CCDC127: variants seen among roughly 807,000 people sequenced by gnomAD.
The protein encoded by CCDC127 is coiled-coil domain containing 127.
A neutral mutation model predicts 4.1 loss-of-function variants in CCDC127; 2 were observed. The ratio of observed to expected loss-of-function variants is 0.49; its 90% confidence interval spans 0.20 to 1.53. The LOEUF (loss-of-function observed/expected upper bound fraction) is 1.53. Ranked by LOEUF, CCDC127 falls within the 40% of genes most tolerant of loss-of-function variation. The probability of loss-of-function intolerance (pLI) is 0.23; values close to 1 mark genes in which losing one functional copy is unlikely to be tolerated. For missense variants in CCDC127, 271 were observed against 322.9 expected (o/e 0.84, Z 1.23); for synonymous variants, 98 against 120.4 (o/e 0.81, Z 1.22).
rs1384195084 is a variant in CCDC127 at position 218,145 on chromosome 5, G to A, written c.-63C>T. ...GTTCCCTTAACGCCACCGTCCGCGGGTCCGCTTTGCGCAGGCGCGGCGCCC... is the reference window on the plus strand; with the variant it reads ...GTTCCCTTAACGCCACCGTCCGCGGATCCGCTTTGCGCAGGCGCGGCGCCC... On this transcript the variant is annotated 5_prime_UTR_variant, in exon 1 of 3. Coordinates refer to ENST00000296824, the MANE Select transcript of CCDC127 (RefSeq NM_145265.3). 6.4e-6 allele frequency: 8 copies of A among 1,240,592 alleles called. No homozygotes were observed. The East Asian group carries it at 1.3e-4, about 20-fold the overall frequency. The allele number at this position is 1,240,592 out of a possible 1,614,324, so 76.8% of individuals were successfully genotyped here. A position where few individuals can be genotyped will look rare whatever the true frequency, so the allele number is the denominator to read the frequency against.
chr5:213,186 T>C (rs1183980568), intron 2 of CCDC127, among the ~76,000 whole-genome samples: 5 of 62,344 alleles, frequency 8.0e-5, no homozygotes, highest in African/African-American at 1.1e-4. Flanking sequence ...CGACATCGAA[T>C]ACTGCAGCCA....
Position 205,433 on chromosome 5 carries a change from T to C in CCDC127, c.647A>G (p.Asp216Gly), listed in dbSNP as rs1734151757. 6.2e-6 allele frequency: 10 copies of C among 1,614,232 alleles called. No homozygotes were observed. Among genetic ancestry groups the C allele is most frequent in the African/African-American group, 1.3e-5 (1 of 75,064 alleles). ...GTTCCAGACATCACCACAGTATGTA[T>C]CATGCTGAAATATGTCGGTGAGACC... is the stretch of plus-strand genomic sequence containing the variant. ...AAGLTDIFQH[D>G]TYCGDVWNTN... Residue 216 changes from aspartate to glycine, a missense_variant, in exon 3 of 3, where the codon GAT becomes GGT. Transcript: ENST00000296824.
rs1031558615 is a variant in CCDC127, at chr5:206,099, C to T, written c.122-141G>A. The T allele has an allele frequency of 7.8e-5, 60 of 769,906 alleles. No homozygotes were observed. The African/African-American group carries it at 8.4e-4, about 11-fold the overall frequency. The allele number at this position is 769,906 out of a possible 1,614,324, so 47.7% of individuals were successfully genotyped here. ...GGCTGTACCAAGAAGATCACTTCTA[C>T]GTGAAAATGTGTAACAGGCCAAGTT... On this transcript the variant is annotated intron_variant, in intron 2 of 2. Coordinates refer to ENST00000296824, the MANE Select transcript of CCDC127 (RefSeq NM_145265.3).
At chr5:214,229 G>A (rs1286006692) in intron 2 of CCDC127, 1 of 152,176 alleles carries the variant, frequency 6.6e-6, no homozygotes, top group Non-Finnish European at 1.5e-5. Flanking sequence ...CAGGGATTGG[G>A]GTATCTTGAC....
At chr5:209,886 A>G (rs888936938) in intron 2 of CCDC127, among the ~76,000 whole-genome samples, 1 of 120,940 alleles carries the variant, frequency 8.3e-6, no homozygotes, top group Non-Finnish European at 1.9e-5. Flanking sequence ...AATTGAAACC[A>G]AAAAAAAACG....
intron 2 of CCDC127, among the ~76,000 whole-genome samples, chr5:208,095 C>T (rs1360957570): frequency 1.3e-5 from 2 of 152,162 alleles, no homozygotes; most frequent in Non-Finnish European, 2.9e-5. Context: ...AGACTTTGGG[C>T]ACACGCAACT....
In CCDC127 at chr5:218,120, G is replaced by C. The variant is rs1168018146; in HGVS notation, c.-38C>G. On this transcript the variant is annotated 5_prime_UTR_variant, in exon 1 of 3. Transcript: ENST00000296824. ...CGGTCGGGGAGCGCGGGACCTCAGC[G>C]TTCCCTTAACGCCACCGTCCGCGGG... 30 of 1,225,080 alleles carry C rather than the reference G, an allele frequency of 2.4e-5. No homozygotes were observed. The highest frequency in any genetic ancestry group is 8.8e-5 in the Admixed American group (2 of 22,668). The allele number at this position is 1,225,080 out of a possible 1,614,324, so 75.9% of individuals were successfully genotyped here. A position where few individuals can be genotyped will look rare whatever the true frequency, so the allele number is the denominator to read the frequency against.
intron 1 of CCDC127, chr5:217,402 GATTAGCA>G (rs959947507): frequency 6.5e-6 from 1 of 153,928 alleles, no homozygotes; most frequent in African/African-American, 2.4e-5. Context: ...TTTTGGATGA[GATTAGCA>G]ATTGAACCTT....
At position 218,096 on chromosome 5, in the gene CCDC127, G is replaced by C; in HGVS notation, c.-14C>G. ...CCCGGAACAGGGCCCGCTCTACCTC[G>C]GTCGGGGAGCGCGGGACCTCAGCGT... is the stretch of plus-strand genomic sequence containing the variant. On this transcript the variant is annotated 5_prime_UTR_variant, in exon 1 of 3. Coordinates refer to ENST00000296824, the MANE Select transcript of CCDC127 (RefSeq NM_145265.3). The C allele has an allele frequency of 8.3e-7, 1 of 1,198,850 alleles. No individual in the cohort carries two copies. The highest frequency in any genetic ancestry group is 4.6e-5 in the Admixed American group (1 of 21,956). The allele number at this position is 1,198,850 out of a possible 1,614,324, so 74.3% of individuals were successfully genotyped here. A position where few individuals can be genotyped will look rare whatever the true frequency, so the allele number is the denominator to read the frequency against.
Position 216,732 on chromosome 5 carries a change from A to G in CCDC127, c.118T>C (p.Phe40Leu). The G allele has an allele frequency of 6.2e-7, 1 of 1,613,648 alleles. No homozygotes were observed. The highest frequency in any genetic ancestry group is 8.5e-7 in the Non-Finnish European group (1 of 1,179,774). Residue 40 changes from phenylalanine to leucine, a missense_variant, in exon 2 of 3, where the codon TTT becomes CTT. By Grantham distance (22) the Phe-to-Leu change is conservative (BLOSUM62 0). This residue lies in a region of CCDC127 where 6 missense variants were observed against 52.1 expected (regional missense o/e 0.12). Transcript: ENST00000296824. The part of the protein sequence containing the change: ...LLVPMLGLAA[F>L]RWIWSRESQK... ...TTTTAAGAAAACCATGACTTACGAA[A>G]AGCAGCCAATCCCAGCATTGGAACC...
chr5:205,496 G>A lies in CCDC127; in HGVS notation c.584C>T (p.Ser195Phe), dbSNP rs749964681. Residue 195 changes from serine to phenylalanine, a missense_variant, in exon 3 of 3, where the codon TCC becomes TTC. Physicochemically the swap from Ser to Phe is radical, Grantham distance 155 (BLOSUM62 -2). Transcript: ENST00000296824. Reference sequence around the variant, plus strand: ...TAGGTCAGCGGCGACGGGGTCGACGGACGCTCGCACCAGTAAGCTCTTCTC... The same window carrying A: ...TAGGTCAGCGGCGACGGGGTCGACGAACGCTCGCACCAGTAAGCTCTTCTC... The part of the protein sequence containing the change: ...EIEKSLLVRA[S>F]VDPVAADLEM... 2 of 1,613,978 alleles carry A rather than the reference G, an allele frequency of 1.2e-6. No individual in the cohort carries two copies. The highest frequency in any genetic ancestry group is 3.3e-5 in the Admixed American group (2 of 60,032).
chr5:208,371 G>C (rs1300451042), intron 2 of CCDC127, among the ~76,000 whole-genome samples: 2 of 152,152 alleles, frequency 1.3e-5, no homozygotes, highest in Non-Finnish European at 2.9e-5. Flanking sequence ...AACGGGTGCA[G>C]ACAAAAAAAG....
Position 205,933 on chromosome 5 carries a change from C to T in CCDC127, c.147G>A (p.Gln49=). Residue 49 remains glutamine (Q), a synonymous_variant, in exon 3 of 3, where the codon CAG becomes CAA. Transcript: ENST00000296824. ...AFRWIWSRES[Q]KEVEKEREAY... is the part of the protein sequence containing the mutation. ...CTTCTCTCTCTTTTTCTACTTCTTT[C>T]TGGGACTCCCTAGACCAAATCCAAC... 6.2e-7 allele frequency: 1 copy of T among 1,613,266 alleles called. No individual in the cohort carries two copies. The highest frequency in any genetic ancestry group is 8.5e-7 in the Non-Finnish European group (1 of 1,179,526).
At chr5:213,895 A>T (rs1023016203) in intron 2 of CCDC127, 5 of 152,232 alleles carry the variant, frequency 3.3e-5, no homozygotes, top group African/African-American at 1.2e-4. Context: ...CCTACACAAG[A>T]ATGTTTATAA....
rs946216525 is a variant in CCDC127 at position 199,109 on chromosome 5, T to G, written c.*6188A>C. 1.3e-5 allele frequency: 2 copies of G among 152,456 alleles called. No homozygotes were observed. The highest frequency in any genetic ancestry group is 2.9e-5 in the Non-Finnish European group (2 of 68,190). 9.4% of individuals were successfully genotyped at this position (152,456 alleles called of 1,614,324 possible). A position where few individuals can be genotyped will look rare whatever the true frequency, so the allele number is the denominator to read the frequency against. On this transcript the variant is annotated 3_prime_UTR_variant, in exon 3 of 3. Transcript: ENST00000296824. ...CTCCCTTGGGTCTTCCACAGCAGCA[T>G]GGGCTGGTGCAGCTCCTTCAGAACA...
intron 1 of CCDC127, among the ~76,000 whole-genome samples, chr5:217,431 C>T (rs1358676744): frequency 6.6e-6 from 1 of 152,200 alleles, no homozygotes; most frequent in African/African-American, 2.4e-5. Context: ...AAACCAATTC[C>T]TCACGTCTCC....
At position 199,711 on chromosome 5, in the gene CCDC127, C is replaced by T. The variant is rs1436987263; in HGVS notation, c.*5586G>A. On this transcript the variant is annotated 3_prime_UTR_variant, in exon 3 of 3. Transcript: ENST00000296824. ...ACCTCCCGAGGAGGCCCCAGCACCCCACTCCCTGCCTGTCAGCCACCAACC... is the reference window on the plus strand; with the variant it reads ...ACCTCCCGAGGAGGCCCCAGCACCCTACTCCCTGCCTGTCAGCCACCAACC... 1 of 152,476 alleles carries T rather than the reference C, an allele frequency of 6.6e-6. No individual in the cohort carries two copies. The highest frequency in any genetic ancestry group is 1.5e-5 in the Non-Finnish European group (1 of 68,268). The allele number at this position is 152,476 out of a possible 1,614,324, so 9.4% of individuals were successfully genotyped here.
chr5:207,270 TCAA>T (rs1241115370), intron 2 of CCDC127, among the ~76,000 whole-genome samples: 1 of 152,162 alleles, frequency 6.6e-6, no homozygotes, highest in East Asian at 1.9e-4. Context: ...TCATCCTTCC[TCAA>T]CCAAAAATAG....
Position 205,186 on chromosome 5 carries a change from G to C in CCDC127, c.*111C>G. 1.0e-6 allele frequency: 1 copy of C among 992,228 alleles called. No individual in the cohort carries two copies. The highest frequency in any genetic ancestry group is 1.5e-6 in the Non-Finnish European group (1 of 666,674). The allele number at this position is 992,228 out of a possible 1,614,324, so 61.5% of individuals were successfully genotyped here. A position where few individuals can be genotyped will look rare whatever the true frequency, so the allele number is the denominator to read the frequency against. On this transcript the variant is annotated 3_prime_UTR_variant, in exon 3 of 3. Transcript: ENST00000296824. ...GGAGTGGAGGTCGCTGCTGAAGGGTGACGGTGTGGCCATGACACGGGCAGC... is the reference window on the plus strand; with the variant it reads ...GGAGTGGAGGTCGCTGCTGAAGGGTCACGGTGTGGCCATGACACGGGCAGC...
Sources: allele counts gnomAD v4.1 joint callset (sites outside exome capture counted in the v4.1 genomes callset), GRCh38; gene constraint gnomAD v4.1.1; regional missense constraint gnomAD v4.1.1; transcripts MANE v1.5; gene names NCBI Gene and HGNC (gene_info 2026-07-23, HGNC 2026-07-21).